Variants in BRD1 observed in about 807,000 individuals in gnomAD.
The protein encoded by BRD1 is bromodomain containing 1.
A neutral mutation model predicts 107.7 loss-of-function variants in BRD1; 24 were observed. The ratio of observed to expected loss-of-function variants is 0.22; its 90% CI spans 0.16 to 0.31. BRD1 has a LOEUF of 0.31. BRD1 is among the 10% of genes least tolerant of loss of function. The pLI is 1.00. For synonymous variants in BRD1, 744 were observed against 686.1 expected, an observed-to-expected ratio of 1.08 and a Z score of -1.32; for missense variants, 1,279 against 1,638.6, an observed-to-expected ratio of 0.78 and a Z score of 3.79.
chr22:49,823,235 G>A lies in BRD1; in HGVS notation c.1083C>T (p.Tyr361=), dbSNP rs1051199286. The change falls in exon 2 of 13, where the codon TAC becomes TAT. Residue 361 remains tyrosine (Y), a synonymous_variant. Coordinates refer to ENST00000404760, the MANE Select transcript of BRD1 (RefSeq NM_001304808.3). The part of the protein sequence containing the change: ...HVTCAQKAGL[Y]MKMEPVKELT... ...GTTCCTTCACGGGCTCCATTTTCAT[G>A]TACAGGCCAGCCTTCTGGGCACACG... is the stretch of plus-strand genomic sequence containing the variant. 3.7e-6 allele frequency: 6 copies of A among 1,614,074 alleles called. No homozygotes were observed. Among genetic ancestry groups the A allele is most frequent in the Non-Finnish European group, 5.1e-6 (6 of 1,180,036 alleles).
At chr22:49,780,903 G>A (rs1004418378) in intron 8 of BRD1, among the ~76,000 whole-genome samples, 4 of 152,214 alleles carry the variant, frequency 2.6e-5, no homozygotes, top group Non-Finnish European at 5.9e-5. Context: ...ATGGGTGCCC[G>A]GTCCATGAGG....
intron 2 of BRD1, among the ~76,000 whole-genome samples, chr22:49,814,006 A>AAATTCAGGCT (rs1333123785): frequency 2.6e-5 from 4 of 152,058 alleles, no homozygotes; most frequent in Non-Finnish European, 5.9e-5. Context: ...AGACAATAGA[A>AAATTCAGGCT]AATTCAGGCT....
chr22:49,795,736 C>T (rs1358128304), intron 6 of BRD1, among the ~76,000 whole-genome samples: 2 of 152,216 alleles, frequency 1.3e-5, no homozygotes, highest in Admixed American at 1.3e-4. Context: ...GCAGGCAAGG[C>T]ATCCAAGCCA....
At position 49,824,666 on chromosome 22, in the gene BRD1, C is replaced by G; in HGVS notation, c.-14-335G>C. 8.9e-7 allele frequency: 1 copy of G among 1,122,070 alleles called. No individual in the cohort carries two copies. Among genetic ancestry groups the G allele is most frequent in the Non-Finnish European group, 1.1e-6 (1 of 912,908 alleles). 69.5% of individuals were successfully genotyped at this position (1,122,070 alleles called of 1,614,324 possible). ...CGCTCCCCAAGGAGGAGGGGTCCGG[C>G]CCAGAGCCCACAGTTGCAGGACTTT... On this transcript the variant is annotated intron_variant, in intron 1 of 12. Coordinates refer to ENST00000404760, the MANE Select transcript of BRD1 (RefSeq NM_001304808.3). The surrounding 1 kb of genome is among the most constrained non-coding windows in gnomAD (Gnocchi z 5.9).
At position 49,823,090 on chromosome 22, in the gene BRD1, C is replaced by T. The variant is rs544881036; in HGVS notation, c.1228G>A (p.Val410Ile). ...IYGDVEMKNG[V>I]CRKESSVKTV... ...TTAACCGAGCTCTCTTTTCGACAGA[C>T]GCCATTTTTCATTTCGACATCCCCG... Residue 410 changes from valine to isoleucine, a missense_variant, in exon 2 of 13, where the codon GTC becomes ATC. By Grantham distance (29) the Val-to-Ile change is conservative (BLOSUM62 3). Transcript: ENST00000404760. 7.1e-5 allele frequency: 114 copies of T among 1,614,238 alleles called. No homozygotes were observed. Among genetic ancestry groups the T allele is most frequent in the South Asian group, 9.9e-5 (9 of 91,088 alleles).
chr22:49,787,966 G>A, intron 7 of BRD1, 79 bp from the exon 8 acceptor site: 1 of 1,285,262 alleles, frequency 7.8e-7, no homozygotes, highest in Non-Finnish European at 1.0e-6. Context: ...TAAATGTGAA[G>A]TCCACCAAAA....
chr22:49,796,575 C>A (rs577958840), intron 6 of BRD1, among the ~76,000 whole-genome samples: 81 of 151,806 alleles, frequency 5.3e-4, no homozygotes, highest in African/African-American at 1.7e-3. Context: ...CCAGGCCGGT[C>A]TCAATCTCCC....
chr22:49,791,310 C>A (rs988324481), intron 7 of BRD1, among the ~76,000 whole-genome samples: 6 of 152,234 alleles, frequency 3.9e-5, no homozygotes, highest in African/African-American at 1.4e-4. Flanking sequence ...AACAGTGCAG[C>A]CCAGGAGGCA....
intron 2 of BRD1, among the ~76,000 whole-genome samples, chr22:49,813,599 G>A (rs1185980975): frequency 6.6e-6 from 1 of 151,750 alleles, no homozygotes; most frequent in Non-Finnish European, 1.5e-5. Flanking sequence ...TTGAGAGGCC[G>A]AGGTGGGCGA....
chr22:49,784,736 A>G (rs746146397), intron 8 of BRD1, among the ~76,000 whole-genome samples: 60 of 152,346 alleles, frequency 3.9e-4, no homozygotes, highest in African/African-American at 1.3e-3. Flanking sequence ...GAAATCCCCC[A>G]TGTGCAGAGC....
rs1057048060 is a variant in BRD1, at chr22:49,792,275, G to A, written c.2359+1759C>T. On this transcript the variant is annotated intron_variant, in intron 7 of 12. Coordinates refer to ENST00000404760, the MANE Select transcript of BRD1 (RefSeq NM_001304808.3). The surrounding 1 kb of genome is among the most constrained non-coding windows in gnomAD (Gnocchi z 4.2). Reference sequence around the variant, plus strand: ...CTGGAAGCTATTTTGAGAATGGTGAGTGGACCTGCTGGCAACCTCCTCACA... The same window carrying A: ...CTGGAAGCTATTTTGAGAATGGTGAATGGACCTGCTGGCAACCTCCTCACA... Among the ~76,000 whole-genome samples the A allele has an allele frequency of 6.6e-6, 1 of 152,258 alleles. No homozygotes were observed. The highest frequency in any genetic ancestry group is 2.1e-4 in the South Asian group (1 of 4,838).
At chr22:49,808,530 G>T (rs992535967) in intron 2 of BRD1, among the ~76,000 whole-genome samples, 1 of 152,160 alleles carries the variant, frequency 6.6e-6, no homozygotes, top group African/African-American at 2.4e-5. Context: ...AGGGAGGAAT[G>T]GGGAGTTCCT....
intron 2 of BRD1, among the ~76,000 whole-genome samples, chr22:49,813,356 T>C (rs531738114): frequency 6.6e-6 from 1 of 152,106 alleles, no homozygotes; most frequent in East Asian, 2.0e-4. Flanking sequence ...CCCTAGTAGC[T>C]GGGACTACAG....
chr22:49,789,363 C>T (rs147417262), intron 7 of BRD1, among the ~76,000 whole-genome samples: 26 of 152,310 alleles, frequency 1.7e-4, no homozygotes, highest in Non-Finnish European at 3.1e-4. Flanking sequence ...CATGAGCATC[C>T]CTGGTGCCTG....
chr22:49,796,697 T>A (rs982433491), intron 6 of BRD1, among the ~76,000 whole-genome samples: 2 of 152,140 alleles, frequency 1.3e-5, no homozygotes, highest in African/African-American at 2.4e-5. Context: ...CATCCTCCAA[T>A]CCTCACAGGT....
chr22:49,775,924 A>G (rs2059086444), intron 11 of BRD1, 126 bp downstream of exon 11: 2 of 940,708 alleles, frequency 2.1e-6, no homozygotes, highest in Admixed American at 2.5e-5. Context: ...TCCTCTGACC[A>G]ACCCCGCCCC....
At chr22:49,811,542 G>A (rs574543381) in intron 2 of BRD1, among the ~76,000 whole-genome samples, 17 of 152,314 alleles carry the variant, frequency 1.1e-4, no homozygotes, top group South Asian at 4.1e-4. Flanking sequence ...GCAGCTGCAC[G>A]GCGTGGGTGC....
At chr22:49,794,797 T>C (rs919220924) in intron 6 of BRD1, among the ~76,000 whole-genome samples, 1 of 152,264 alleles carries the variant, frequency 6.6e-6, no homozygotes, top group African/African-American at 2.4e-5. Context: ...ATGCTGATCA[T>C]TGTGTGGCTT....
intron 12 of BRD1, 195 bp downstream of exon 12, chr22:49,775,396 G>A (rs1259670661): frequency 2.6e-5 from 12 of 467,798 alleles, no homozygotes; most frequent in Middle Eastern, 6.0e-4. Context: ...CTCAGTGCCC[G>A]TCCCACAGTC....
Sources: allele counts gnomAD v4.1 joint callset (sites outside exome capture counted in the v4.1 genomes callset), GRCh38; gene constraint gnomAD v4.1.1; non-coding constraint Gnocchi (gnomAD v3.1); transcripts MANE v1.5; gene names NCBI Gene and HGNC (gene_info 2026-07-23, HGNC 2026-07-21).